GOLM1: variants seen among roughly 807,000 people sequenced by gnomAD.
GOLM1 encodes epididymis luminal protein 46.
GOLM1 carries 31 observed loss-of-function variants against 50.5 expected under a neutral mutation model. That is an observed-to-expected ratio of 0.61 (90% CI 0.46 to 0.83). The LOEUF (loss-of-function observed/expected upper bound fraction) is 0.83, where lower values mean the gene tolerates loss of function less well. Among genes scored for constraint, GOLM1 ranks in the 40% least tolerant of loss-of-function variants. GOLM1 has a pLI of 0.00. For missense variants in GOLM1, 491 were observed against 501.3 expected, an observed-to-expected ratio of 0.98 and a Z score of 0.20; for synonymous variants, 178 against 192.8, an observed-to-expected ratio of 0.92 and a Z score of 0.64.
At chr9:86,098,992 C>T (rs1273298764) in intron 1 of GOLM1, among the ~76,000 whole-genome samples, 4 of 152,220 alleles carry the variant, frequency 2.6e-5, no homozygotes, top group East Asian at 3.9e-4. Flanking sequence ...GCCAGCCTCC[C>T]GCGCCTGGTG....
At position 86,079,184 on chromosome 9, in the gene GOLM1, C is replaced by G; in HGVS notation, c.129+8G>C. On this transcript the variant is annotated splice_region_variant and intron_variant, in intron 2 of 9. Coordinates refer to ENST00000388712, the MANE Select transcript of GOLM1 (RefSeq NM_016548.4). ...AAAATAAACATAACAATAAAGAAAA[C>G]AAAACACCTGGAGGTCCACGCTCCG... is the stretch of plus-strand genomic sequence containing the variant. 6.5e-7 allele frequency: 1 copy of G among 1,530,884 alleles called. No individual in the cohort carries two copies. The highest frequency in any genetic ancestry group is 8.8e-7 in the Non-Finnish European group (1 of 1,139,698). 94.8% of individuals were successfully genotyped at this position (1,530,884 alleles called of 1,614,324 possible).
chr9:86,056,848 T>G (rs1226447218), intron 3 of GOLM1, among the ~76,000 whole-genome samples: 2 of 152,138 alleles, frequency 1.3e-5, no homozygotes, highest in Non-Finnish European at 2.9e-5. Context: ...TTGCCCAGGC[T>G]GCAGTGCAGT....
At chr9:86,099,685 G>T (rs1835476445), upstream of GOLM1, 1 of 151,202 alleles carries the variant, frequency 6.6e-6, no homozygotes, top group African/African-American at 2.4e-5. Context: ...GCCCCACGGT[G>T]CGCGCGCCCC....
intron 3 of GOLM1, among the ~76,000 whole-genome samples, chr9:86,057,099 C>T (rs1454225577): frequency 1.3e-5 from 2 of 152,158 alleles, no homozygotes; most frequent in Non-Finnish European, 2.9e-5. Context: ...CCCCTAAAAA[C>T]ACAGACAAGG....
At chr9:86,067,120 G>A (rs1834330467) in intron 3 of GOLM1, among the ~76,000 whole-genome samples, 1 of 152,142 alleles carries the variant, frequency 6.6e-6, no homozygotes, top group African/African-American at 2.4e-5. Flanking sequence ...ATTTTTAGTA[G>A]AGACGGCATT....
In GOLM1 at chr9:86,026,163, T is replaced by C. The variant is rs1832774015; in HGVS notation, c.*1654A>G. ...AAGTTTTATAAGTTGAACAGAACAT[T>C]TTATTTCTCAGCAATTCTATGCGTA... On this transcript the variant is annotated 3_prime_UTR_variant, in exon 10 of 10. Transcript: ENST00000388712. 2 of 984,398 alleles carry C rather than the reference T, an allele frequency of 2.0e-6. No homozygotes were observed. The highest frequency in any genetic ancestry group is 2.4e-6 in the Non-Finnish European group (2 of 829,130). 61.0% of individuals were successfully genotyped at this position (984,398 alleles called of 1,614,324 possible). A position where few individuals can be genotyped will look rare whatever the true frequency, so the allele number is the denominator to read the frequency against.
chr9:86,077,667 A>G, intron 2 of GOLM1, 76 bp from the exon 3 acceptor site: 1 of 1,045,054 alleles, frequency 9.6e-7, no homozygotes, highest in East Asian at 2.4e-5. Flanking sequence ...CCCTCCACAA[A>G]GACCACCTTG....
chr9:86,096,936 T>C (rs1214215903), intron 1 of GOLM1, among the ~76,000 whole-genome samples: 1 of 152,164 alleles, frequency 6.6e-6, no homozygotes, highest in African/African-American at 2.4e-5. Context: ...TATTATATAG[T>C]ATTTATATAT....
At chr9:86,079,577 A>G in intron 1 of GOLM1, 2 of 357,470 alleles carry the variant, frequency 5.6e-6, no homozygotes, top group Non-Finnish European at 1.0e-5. Flanking sequence ...TCGGAGGAGC[A>G]GGCACCGCCC....
At chr9:86,074,679 A>T (rs7855883) in intron 3 of GOLM1, among the ~76,000 whole-genome samples, 44,330 of 152,024 alleles carry the variant, frequency 0.29, 7,333 homozygotes, top group East Asian at 0.55. Flanking sequence ...TATGAGCCCC[A>T]ATCTCGTCAG....
chr9:86,088,811 T>C (rs1835079085), intron 1 of GOLM1, among the ~76,000 whole-genome samples: 1 of 152,156 alleles, frequency 6.6e-6, no homozygotes, highest in African/African-American at 2.4e-5. Flanking sequence ...ATTATGATGT[T>C]AACTGGTTAT....
At chr9:86,063,609 C>T (rs554185905) in intron 3 of GOLM1, among the ~76,000 whole-genome samples, 3 of 152,146 alleles carry the variant, frequency 2.0e-5, no homozygotes, top group Non-Finnish European at 4.4e-5. Flanking sequence ...AAAACAGCTA[C>T]CTCCTATTTT....
intron 1 of GOLM1, among the ~76,000 whole-genome samples, chr9:86,081,431 G>A (rs1834781481): frequency 2.0e-5 from 3 of 151,886 alleles, no homozygotes; most frequent in Admixed American, 1.3e-4. Context: ...CCCAACCTCA[G>A]GTGATCCGTC....
chr9:86,039,328 T>G (rs893443320), intron 6 of GOLM1, among the ~76,000 whole-genome samples: 1 of 152,186 alleles, frequency 6.6e-6, no homozygotes, highest in African/African-American at 2.4e-5. Context: ...GTGAAGAAAC[T>G]GGAGCCCTCA....
Position 86,026,302 on chromosome 9 carries a change from T to C in GOLM1, c.*1515A>G, listed in dbSNP as rs1192086595. ...AAGAGGACTTAGAAGAGTATGAAAGTACTCTAAGATTTTATCTAAGTTGCC... is the reference window on the plus strand; with the variant it reads ...AAGAGGACTTAGAAGAGTATGAAAGCACTCTAAGATTTTATCTAAGTTGCC... On this transcript the variant is annotated 3_prime_UTR_variant, in exon 10 of 10. Coordinates refer to ENST00000388712, the MANE Select transcript of GOLM1 (RefSeq NM_016548.4). 6.1e-6 allele frequency: 6 copies of C among 984,926 alleles called. No homozygotes were observed. Among genetic ancestry groups the C allele is most frequent in the Non-Finnish European group, 7.2e-6 (6 of 829,608 alleles). 61.0% of individuals were successfully genotyped at this position (984,926 alleles called of 1,614,324 possible).
chr9:86,090,157 C>T (rs549110291), intron 1 of GOLM1, among the ~76,000 whole-genome samples: 19 of 152,272 alleles, frequency 1.2e-4, no homozygotes, highest in African/African-American at 4.1e-4. Context: ...CCAGCCGGAG[C>T]TCTCCTGTAT....
At chr9:86,046,915 C>T (rs539860863) in intron 4 of GOLM1, among the ~76,000 whole-genome samples, 5 of 146,502 alleles carry the variant, frequency 3.4e-5, no homozygotes, top group Non-Finnish European at 7.4e-5. Flanking sequence ...CCCGAGCTGT[C>T]CCCAAAGGTC....
chr9:86,068,571 C>T (rs1034325138), intron 3 of GOLM1, among the ~76,000 whole-genome samples: 1 of 152,226 alleles, frequency 6.6e-6, no homozygotes, highest in Non-Finnish European at 1.5e-5. Flanking sequence ...TACTGCCAGG[C>T]CCCTGAGTAA....
At chr9:86,098,586 G>C (rs1044853585) in intron 1 of GOLM1, among the ~76,000 whole-genome samples, 2 of 152,038 alleles carry the variant, frequency 1.3e-5, no homozygotes, top group African/African-American at 4.8e-5. Flanking sequence ...TCTGGCTATG[G>C]GACATCTGAA....
Sources: gnomAD v4.1 joint callset for allele counts (sites outside exome capture counted in the v4.1 genomes callset) on GRCh38, gnomAD v4.1.1 for gene constraint, MANE v1.5 for transcripts, NCBI Gene and HGNC (gene_info 2026-07-23, HGNC 2026-07-21) for gene names.